Variants in TMEM38B observed in about 807,000 individuals in gnomAD.
TMEM38B encodes the protein transmembrane protein 38B.
In TMEM38B, 24 loss-of-function variants were observed where a neutral mutation model predicts 28.7. The ratio of observed to expected loss-of-function variants is 0.84; its 90% CI spans 0.61 to 1.18. TMEM38B has a LOEUF of 1.18. TMEM38B is among the 50% of genes most tolerant of loss of function. The probability of loss-of-function intolerance (pLI) is 0.00; values close to 1 mark genes in which losing one functional copy is unlikely to be tolerated. For missense variants in TMEM38B, 380 were observed against 350.9 expected, an observed-to-expected ratio of 1.08 and a Z score of -0.66; for synonymous variants, 131 against 127.7, an observed-to-expected ratio of 1.03 and a Z score of -0.17.
intron 5 of TMEM38B, among the ~76,000 whole-genome samples, chr9:105,770,115 A>G (rs1470018496): frequency 6.6e-6 from 1 of 152,074 alleles, no homozygotes; most frequent in African/African-American, 2.4e-5. Context: ...TCATTGATGT[A>G]TTGAATAAGA....
In TMEM38B at chr9:105,774,284, T is replaced by C; in HGVS notation, c.*204T>C. 2.0e-6 allele frequency: 1 copy of C among 492,684 alleles called. No individual in the cohort carries two copies. The highest frequency in any genetic ancestry group is 3.7e-5 in the Admixed American group (1 of 26,830). 30.5% of individuals were successfully genotyped at this position (492,684 alleles called of 1,614,324 possible). A position where few individuals can be genotyped will look rare whatever the true frequency, so the allele number is the denominator to read the frequency against. ...GTGTTACGAGTGTATCATGTGATTATGCTTTACCGGTATAAGAGATTCTGT... is the reference window on the plus strand; with the variant it reads ...GTGTTACGAGTGTATCATGTGATTACGCTTTACCGGTATAAGAGATTCTGT... On this transcript the variant is annotated 3_prime_UTR_variant, in exon 6 of 6. Transcript: ENST00000374692.
At chr9:105,723,160 G>A (rs1836381893) in intron 4 of TMEM38B, among the ~76,000 whole-genome samples, 1 of 152,162 alleles carries the variant, frequency 6.6e-6, no homozygotes, top group South Asian at 2.1e-4. Flanking sequence ...ATAACCCATT[G>A]TGTGATACAA....
chr9:105,731,295 T>TTTATTA (rs141356793), intron 4 of TMEM38B, among the ~76,000 whole-genome samples: 46 of 149,614 alleles, frequency 3.1e-4, no homozygotes, highest in East Asian at 7.9e-4. Flanking sequence ...AAAGAACATC[T>TTTATTA]TTATTATTAT....
intron 5 of TMEM38B, among the ~76,000 whole-genome samples, chr9:105,751,951 G>A (rs1837669724): frequency 6.6e-6 from 1 of 152,188 alleles, no homozygotes; most frequent in Admixed American, 6.5e-5. Context: ...AGGGGGAGGA[G>A]TGGCCGCCAT....
intron 1 of TMEM38B, among the ~76,000 whole-genome samples, chr9:105,699,496 C>A (rs142103490): frequency 1.3e-5 from 2 of 152,164 alleles, no homozygotes; most frequent in South Asian, 4.1e-4. Flanking sequence ...CCATTTATAT[C>A]GGATCTTTTG....
At chr9:105,750,766 A>G (rs949370464) in intron 5 of TMEM38B, among the ~76,000 whole-genome samples, 2 of 152,186 alleles carry the variant, frequency 1.3e-5, no homozygotes, top group African/African-American at 4.8e-5. Flanking sequence ...CAAGAGTTTT[A>G]TAGTTTTAGC....
intron 2 of TMEM38B, chr9:105,710,699 A>G: frequency 6.0e-6 from 4 of 669,418 alleles, no homozygotes; most frequent in South Asian, 2.8e-5. Flanking sequence ...CCAAATTCAC[A>G]CCGTAAATCT....
At chr9:105,768,631 A>T (rs912409331) in intron 5 of TMEM38B, among the ~76,000 whole-genome samples, 7 of 152,136 alleles carry the variant, frequency 4.6e-5, no homozygotes, top group Non-Finnish European at 1.0e-4. Flanking sequence ...CTGTTTTACT[A>T]AGTTGTATTT....
intron 4 of TMEM38B, among the ~76,000 whole-genome samples, chr9:105,730,342 G>T (rs1564398866): frequency 6.6e-6 from 1 of 152,118 alleles, no homozygotes; most frequent in Non-Finnish European, 1.5e-5. Context: ...TAATCATGTG[G>T]TTTTTTCGTT....
At chr9:105,706,614 T>C (rs1448331186) in intron 2 of TMEM38B, among the ~76,000 whole-genome samples, 3 of 152,044 alleles carry the variant, frequency 2.0e-5, no homozygotes, top group Non-Finnish European at 2.9e-5. Context: ...ATTGGCTAAA[T>C]ACAGGCATTT....
intron 5 of TMEM38B, chr9:105,749,367 C>T (rs537969807): frequency 5.0e-4 from 97 of 194,016 alleles, no homozygotes; most frequent in African/African-American, 2.2e-3. Flanking sequence ...AGCAAAGGCA[C>T]ATCTTACATG....
intron 5 of TMEM38B, among the ~76,000 whole-genome samples, chr9:105,748,476 C>T (rs768869706): frequency 2.8e-5 from 4 of 142,446 alleles, no homozygotes; most frequent in East Asian, 2.5e-4. Flanking sequence ...TCAGAGACTG[C>T]GAAGATGATA....
At chr9:105,721,800 A>G (rs369543270) in intron 3 of TMEM38B, 79 bp downstream of exon 3, 2 of 1,076,790 alleles carry the variant, frequency 1.9e-6, no homozygotes, top group Non-Finnish European at 1.3e-6. Context: ...TTCTCTAGTT[A>G]CATTAATGGA....
At chr9:105,732,374 G>T (rs1322325015) in intron 4 of TMEM38B, among the ~76,000 whole-genome samples, 1 of 152,166 alleles carries the variant, frequency 6.6e-6, no homozygotes, top group Non-Finnish European at 1.5e-5. Context: ...TAGTCATGAA[G>T]TCTTTGCCCA....
chr9:105,759,389 A>G (rs530238804), intron 5 of TMEM38B: 2 of 1,448,476 alleles, frequency 1.4e-6, no homozygotes, highest in African/African-American at 2.8e-5. Context: ...AAAGAAGAAT[A>G]AGATTCTACT....
intron 4 of TMEM38B, among the ~76,000 whole-genome samples, chr9:105,730,496 A>G (rs533791277): frequency 6.6e-6 from 1 of 152,300 alleles, no homozygotes; most frequent in Non-Finnish European, 1.5e-5. Context: ...GGATTTTTCC[A>G]TCCATGTTCA....
intron 2 of TMEM38B, among the ~76,000 whole-genome samples, chr9:105,707,417 T>C (rs923451073): frequency 2.0e-5 from 3 of 152,164 alleles, no homozygotes; most frequent in Non-Finnish European, 4.4e-5. Flanking sequence ...ATAAAAATTA[T>C]AGTTTTTTTA....
At chr9:105,749,210 T>C (rs539606689) in intron 5 of TMEM38B, 119 of 793,328 alleles carry the variant, frequency 1.5e-4, no homozygotes, top group South Asian at 4.2e-4. Context: ...TATTGAGATA[T>C]ATTTTCCATA....
chr9:105,695,698 C>G (rs1051444759), intron 1 of TMEM38B, among the ~76,000 whole-genome samples: 1 of 152,116 alleles, frequency 6.6e-6, no homozygotes, highest in African/African-American at 2.4e-5. Context: ...CCTTGCCCTA[C>G]GGATAGTTGA....
Sources: allele counts gnomAD v4.1 joint callset (sites outside exome capture counted in the v4.1 genomes callset), GRCh38; gene constraint gnomAD v4.1.1; transcripts MANE v1.5; gene names NCBI Gene and HGNC (gene_info 2026-07-23, HGNC 2026-07-21).